CSMD1: variants seen among roughly 807,000 people sequenced by gnomAD.
The protein encoded by CSMD1 is CUB and sushi domain-containing protein 1.
Under a neutral mutation model 417.5 loss-of-function variants are expected in CSMD1, and 213 were observed. That is an observed-to-expected ratio of 0.51 (90% CI 0.46 to 0.57). The LOEUF (loss-of-function observed/expected upper bound fraction) is 0.57. Ranked by LOEUF, CSMD1 falls within the 20% of genes least tolerant of loss-of-function variation. The pLI is 0.00. For missense variants in CSMD1, 6,923 were observed against 4,529.7 expected, an observed-to-expected ratio of 1.53 and a Z score of -15.17; for synonymous variants, 2,862 against 1,736.8, an observed-to-expected ratio of 1.65 and a Z score of -16.11.
At chr8:4,101,617 C>T (rs774349879) in intron 3 of CSMD1, among the ~76,000 whole-genome samples, 1 of 152,150 alleles carries the variant, frequency 6.6e-6, no homozygotes, top group African/African-American at 2.4e-5. Context: ...GTAGGAGGAC[C>T]TTCTGAAGTA....
chr8:3,556,025 T>A (rs905321703), intron 10 of CSMD1, among the ~76,000 whole-genome samples: 5 of 152,104 alleles, frequency 3.3e-5, no homozygotes, highest in Non-Finnish European at 7.4e-5. Context: ...ACAAATAGAA[T>A]ATAGAGGAAT....
At chr8:3,976,709 A>T (rs75053676) in intron 5 of CSMD1, among the ~76,000 whole-genome samples, 1 of 152,092 alleles carries the variant, frequency 6.6e-6, no homozygotes, top group Non-Finnish European at 1.5e-5. Flanking sequence ...GAACCCTTTT[A>T]ATCTCCACAA....
chr8:3,793,754 A>C (rs981705739), intron 5 of CSMD1, among the ~76,000 whole-genome samples: 17 of 152,018 alleles, frequency 1.1e-4, no homozygotes, highest in African/African-American at 3.9e-4. Flanking sequence ...ATCTCTCTGG[A>C]ACTGGTAGGA....
intron 1 of CSMD1, among the ~76,000 whole-genome samples, chr8:4,647,410 A>T (rs929029657): frequency 6.6e-6 from 1 of 151,138 alleles, no homozygotes; most frequent in Middle Eastern, 3.2e-3. Flanking sequence ...TTAGGTAGGT[A>T]CGCGTGTGCC....
intron 26 of CSMD1, among the ~76,000 whole-genome samples, chr8:3,246,392 A>T (rs1799881105): frequency 6.6e-6 from 1 of 152,172 alleles, no homozygotes; most frequent in Non-Finnish European, 1.5e-5. Flanking sequence ...CTCCTCCAGG[A>T]AGCCAGTTCC....
At chr8:4,897,567 G>A (rs6558936) in intron 1 of CSMD1, among the ~76,000 whole-genome samples, 2 of 151,966 alleles carry the variant, frequency 1.3e-5, no homozygotes, top group African/African-American at 2.4e-5. Context: ...ATTGCAATTT[G>A]TTACTCCGTT....
At chr8:3,139,575 G>T (rs760187517) in intron 41 of CSMD1, among the ~76,000 whole-genome samples, 7 of 152,182 alleles carry the variant, frequency 4.6e-5, no homozygotes, top group Non-Finnish European at 7.3e-5. Context: ...ATAGATAGGA[G>T]AAGTGAAAAA....
chr8:4,343,097 G>C (rs534815468), intron 3 of CSMD1, among the ~76,000 whole-genome samples: 4 of 152,046 alleles, frequency 2.6e-5, no homozygotes, highest in Non-Finnish European at 5.9e-5. Context: ...GTGACCAAGG[G>C]ATATGGGGTA....
At chr8:4,694,589 T>G (rs1196554980) in intron 1 of CSMD1, among the ~76,000 whole-genome samples, 1 of 151,960 alleles carries the variant, frequency 6.6e-6, no homozygotes, top group Non-Finnish European at 1.5e-5. Context: ...CGTCTTGATC[T>G]CCTGACCTCA....
intron 3 of CSMD1, among the ~76,000 whole-genome samples, chr8:4,231,729 G>T (rs1563310370): frequency 6.6e-6 from 1 of 152,150 alleles, no homozygotes; most frequent in Non-Finnish European, 1.5e-5. Context: ...GACTGGTAGT[G>T]ATGGACCATG....
At chr8:4,277,371 T>C (rs1264706288) in intron 3 of CSMD1, among the ~76,000 whole-genome samples, 1 of 152,162 alleles carries the variant, frequency 6.6e-6, no homozygotes, top group Non-Finnish European at 1.5e-5. Context: ...GCCTCATCTC[T>C]GAATCTGAAG....
At chr8:3,388,740 G>A (rs1483731363) in intron 17 of CSMD1, among the ~76,000 whole-genome samples, 1 of 152,182 alleles carries the variant, frequency 6.6e-6, no homozygotes, top group Non-Finnish European at 1.5e-5. Flanking sequence ...GAATGTAACT[G>A]TCCTTGCTGC....
intron 5 of CSMD1, among the ~76,000 whole-genome samples, chr8:3,926,051 TATACAC>T (rs1460043091): frequency 2.1e-4 from 16 of 76,672 alleles, no homozygotes; most frequent in South Asian, 7.5e-4. Context: ...ACAAACACCA[TATACAC>T]ACACACACAC....
intron 3 of CSMD1, among the ~76,000 whole-genome samples, chr8:4,110,491 T>C (rs983702605): frequency 6.6e-6 from 1 of 152,170 alleles, no homozygotes; most frequent in African/African-American, 2.4e-5. Context: ...TGTTAACTTT[T>C]CATATATTAT....
intron 47 of CSMD1, among the ~76,000 whole-genome samples, chr8:3,092,429 A>G (rs137957242): frequency 0.027 from 4,134 of 152,288 alleles, 115 homozygotes; most frequent in African/African-American, 0.069. Context: ...ATTATAAAAC[A>G]TGCATAACCA....
chr8:3,908,681 A>G (rs1239336450), intron 5 of CSMD1, among the ~76,000 whole-genome samples: 1 of 150,078 alleles, frequency 6.7e-6, no homozygotes, highest in Non-Finnish European at 1.5e-5. Context: ...ATAACATGAA[A>G]CAACTCTGGT....
chr8:4,061,342 C>G (rs1563071186), intron 3 of CSMD1, among the ~76,000 whole-genome samples: 2 of 151,982 alleles, frequency 1.3e-5, no homozygotes, highest in Admixed American at 6.6e-5. Flanking sequence ...AATTCAGAGA[C>G]AAAGAAAAGT....
chr8:3,395,908 ATTAC>A (rs1278649741), intron 17 of CSMD1, among the ~76,000 whole-genome samples: 4 of 152,164 alleles, frequency 2.6e-5, no homozygotes, highest in Admixed American at 6.5e-5. Flanking sequence ...GAAGTATATT[ATTAC>A]TTCCATTATT....
intron 5 of CSMD1, among the ~76,000 whole-genome samples, chr8:3,835,095 T>G (rs996676270): frequency 6.7e-6 from 1 of 148,606 alleles, no homozygotes; most frequent in Non-Finnish European, 1.5e-5. Flanking sequence ...TGTAGAGAAA[T>G]AGGAACACTT....
Sources: allele counts gnomAD v4.1 joint callset (sites outside exome capture counted in the v4.1 genomes callset), GRCh38; gene constraint gnomAD v4.1.1; transcripts MANE v1.5; gene names NCBI Gene and HGNC (gene_info 2026-07-23, HGNC 2026-07-21).